IL23R: variants seen among roughly 807,000 people sequenced by gnomAD.
IL23R encodes the protein interleukin-23 receptor.
Under a neutral mutation model 56.9 loss-of-function variants are expected in IL23R, and 34 were observed. That is an observed-to-expected ratio of 0.60 (90% CI 0.45 to 0.80). The LOEUF is 0.80. IL23R is among the 30% of genes least tolerant of loss of function. The probability of loss-of-function intolerance (pLI) is 0.00; values close to 1 mark genes in which losing one functional copy is unlikely to be tolerated. For missense variants in IL23R, 635 were observed against 730.0 expected (o/e 0.87, Z 1.50); for synonymous variants, 230 against 249.2 (o/e 0.92, Z 0.73).
Position 67,259,088 on chromosome 1 carries a change from T to C in IL23R, c.1850T>C (p.Leu617Ser). Reference sequence around the variant, plus strand: ...AATACTTATTTTCCACAAAATATTTTGGAAAGCCACTTCAATAGGATTTCA... The same window carrying C: ...AATACTTATTTTCCACAAAATATTTCGGAAAGCCACTTCAATAGGATTTCA... ...SINTYFPQNI[L>S]ESHFNRISLL... Residue 617 changes from leucine to serine, a missense_variant, in exon 11 of 11, where the codon TTG becomes TCG. Transcript: ENST00000347310. 1 of 1,613,980 alleles carries C rather than the reference T, an allele frequency of 6.2e-7. No individual in the cohort carries two copies. Among genetic ancestry groups the C allele is most frequent in the African/African-American group, 1.3e-5 (1 of 75,034 alleles).
intron 9 of IL23R, among the ~76,000 whole-genome samples, chr1:67,253,967 T>G (rs1333252652): frequency 6.6e-5 from 10 of 152,168 alleles, no homozygotes; most frequent in Non-Finnish European, 1.3e-4. Context: ...ATTTTACATT[T>G]GAACAGATAC....
intron 6 of IL23R, among the ~76,000 whole-genome samples, chr1:67,218,200 A>G (rs1649976925): frequency 6.6e-6 from 1 of 151,542 alleles, no homozygotes; most frequent in Non-Finnish European, 1.5e-5. Context: ...TCCCTCAGCT[A>G]TTTTCTTTAT....
chr1:67,223,685 G>A (rs923603826), intron 7 of IL23R, among the ~76,000 whole-genome samples: 1 of 151,934 alleles, frequency 6.6e-6, no homozygotes, highest in African/African-American at 2.4e-5. Flanking sequence ...GGGCTATGAT[G>A]TATATACTAT....
At chr1:67,207,190 T>G (rs560532987) in intron 6 of IL23R, 135 bp downstream of exon 6, 1 of 1,021,718 alleles carries the variant, frequency 9.8e-7, no homozygotes, top group South Asian at 1.4e-5. Flanking sequence ...CAAGCCACTT[T>G]AGTTTTTGTT....
At chr1:67,169,706 C>T (rs1646918028) in intron 3 of IL23R, 68 bp downstream of exon 3, 3 of 1,374,796 alleles carry the variant, frequency 2.2e-6, no homozygotes, top group African/African-American at 1.4e-5. Context: ...CATTACCACA[C>T]TAGTCTAAAA....
chr1:67,162,224 G>T (rs764678175), upstream of IL23R, among the ~76,000 whole-genome samples: 3 of 151,738 alleles, frequency 2.0e-5, no homozygotes, highest in Non-Finnish European at 4.4e-5. Context: ...CCAGCACTTT[G>T]GGAGGCCGAG....
chr1:67,198,340 G>A (rs531599945), intron 4 of IL23R, among the ~76,000 whole-genome samples: 3 of 152,292 alleles, frequency 2.0e-5, no homozygotes, highest in South Asian at 4.1e-4. Flanking sequence ...AAAACATCAT[G>A]TGATTATTTA....
upstream of IL23R, among the ~76,000 whole-genome samples, chr1:67,164,372 C>A (rs1251332967): frequency 1.3e-5 from 2 of 152,172 alleles, no homozygotes; most frequent in African/African-American, 4.8e-5. Flanking sequence ...GCGTCTCACG[C>A]CTGTAATCCT....
chr1:67,166,886 A>T (rs879166174), intron 1 of IL23R, among the ~76,000 whole-genome samples: 1 of 152,172 alleles, frequency 6.6e-6, no homozygotes, highest in Admixed American at 6.6e-5. Flanking sequence ...CGATATGATG[A>T]GCCATGCATT....
At chr1:67,168,218 T>A (rs1379592306) in intron 2 of IL23R, 28 bp downstream of exon 2, 1 of 1,455,016 alleles carries the variant, frequency 6.9e-7, no homozygotes, top group East Asian at 2.3e-5. Context: ...TCTATTGCTA[T>A]CTTTCATTCA....
chr1:67,228,463 G>A (rs1442557510), intron 7 of IL23R, among the ~76,000 whole-genome samples: 5 of 145,150 alleles, frequency 3.4e-5, no homozygotes, highest in African/African-American at 1.3e-4. Flanking sequence ...CTCCCAAAGT[G>A]CTGGGCTTAC....
At chr1:67,200,078 C>T (rs766641759) in intron 4 of IL23R, among the ~76,000 whole-genome samples, 22 of 152,130 alleles carry the variant, frequency 1.4e-4, no homozygotes, top group Non-Finnish European at 2.8e-4. Context: ...CTCGCTCTGT[C>T]GCCCCTGCTG....
chr1:67,194,056 T>A (rs1454381130), intron 4 of IL23R, among the ~76,000 whole-genome samples: 1 of 152,106 alleles, frequency 6.6e-6, no homozygotes, highest in Non-Finnish European at 1.5e-5. Flanking sequence ...ATAAAGAATA[T>A]AACAAAGGCT....
chr1:67,185,696 G>C (rs1647286126), intron 4 of IL23R, among the ~76,000 whole-genome samples: 1 of 152,174 alleles, frequency 6.6e-6, no homozygotes, highest in African/African-American at 2.4e-5. Flanking sequence ...GTAGAAACTA[G>C]ACAGATTTTA....
chr1:67,238,468 G>A (rs1651638381), intron 8 of IL23R, among the ~76,000 whole-genome samples: 1 of 152,110 alleles, frequency 6.6e-6, no homozygotes, highest in Non-Finnish European at 1.5e-5. Context: ...AATTATAGAT[G>A]CCTACACAGA....
intron 9 of IL23R, among the ~76,000 whole-genome samples, chr1:67,242,662 G>C (rs1651927482): frequency 6.6e-6 from 1 of 152,186 alleles, no homozygotes; most frequent in South Asian, 2.1e-4. Context: ...TTGCTGTAGT[G>C]TGGATGGCAA....
intron 1 of IL23R, among the ~76,000 whole-genome samples, chr1:67,156,488 T>C (rs1320383045): frequency 6.6e-6 from 1 of 152,182 alleles, no homozygotes; most frequent in African/African-American, 2.4e-5. Flanking sequence ...GGAGCTGCTG[T>C]ATTTCCTGCA....
At chr1:67,218,358 G>GTGTA (rs1553293307) in intron 6 of IL23R, among the ~76,000 whole-genome samples, 1 of 137,858 alleles carries the variant, frequency 7.3e-6, no homozygotes, top group African/African-American at 2.8e-5. Flanking sequence ...GTGTGTGTGT[G>GTGTA]TATATATATA....
At chr1:67,171,045 G>A (rs777976538) in intron 3 of IL23R, among the ~76,000 whole-genome samples, 6 of 152,180 alleles carry the variant, frequency 3.9e-5, no homozygotes, top group Non-Finnish European at 5.9e-5. Flanking sequence ...TTAAACCGCA[G>A]GCAGACATCT....
Sources: gnomAD v4.1 joint callset for allele counts (sites outside exome capture counted in the v4.1 genomes callset) on GRCh38, gnomAD v4.1.1 for gene constraint, MANE v1.5 for transcripts, NCBI Gene and HGNC (gene_info 2026-07-23, HGNC 2026-07-21) for gene names.